Variants in SRRM3 observed in about 807,000 individuals in gnomAD.
The protein encoded by SRRM3 is serine/arginine repetitive matrix 3.
A neutral mutation model predicts 66.2 loss-of-function variants in SRRM3; 27 were observed. That is an observed-to-expected ratio of 0.41 (90% CI 0.30 to 0.56). The LOEUF (loss-of-function observed/expected upper bound fraction) is 0.56. Ranked by LOEUF, SRRM3 falls within the 20% of genes least tolerant of loss-of-function variation. SRRM3 has a pLI of 0.32. For missense variants in SRRM3, 918 were observed against 991.9 expected, an observed-to-expected ratio of 0.93 and a Z score of 1.00; for synonymous variants, 391 against 414.9, an observed-to-expected ratio of 0.94 and a Z score of 0.70.
intron 2 of SRRM3, among the ~76,000 whole-genome samples, chr7:76,238,568 C>T (rs906035469): frequency 5.9e-5 from 9 of 152,178 alleles, no homozygotes; most frequent in Admixed American, 3.3e-4. Context: ...CGGGGCGGGA[C>T]GGAGCCTCCA....
chr7:76,213,723 G>A (rs1800492292), intron 1 of SRRM3, among the ~76,000 whole-genome samples: 1 of 152,022 alleles, frequency 6.6e-6, no homozygotes, highest in Non-Finnish European at 1.5e-5. Flanking sequence ...TGCTTGGTGT[G>A]GATGGGAAGT....
intron 11 of SRRM3, 73 bp from the exon 12 acceptor site, chr7:76,281,368 C>G (rs925190282): frequency 9.1e-7 from 1 of 1,094,160 alleles, no homozygotes; most frequent in Non-Finnish European, 1.1e-6. Flanking sequence ...TGTCTCCTCT[C>G]TTCTCTCTCT....
rs185541827 is a variant in SRRM3, at chr7:76,210,122, G to T, written c.-40+8055G>T. Among the ~76,000 whole-genome samples the T allele has an allele frequency of 5.9e-5, 9 of 152,292 alleles. No homozygotes were observed. The East Asian group carries it at 1.7e-3, about 29-fold the overall frequency. ...ATGGTACCACTGAAAGGGGGTACAG[G>T]ATACCAGAGACATGCCTCTGGGAGC... On this transcript the variant is annotated intron_variant, in intron 1 of 14. Coordinates refer to ENST00000611745, the MANE Select transcript of SRRM3 (RefSeq NM_001110199.3).
intron 11 of SRRM3, among the ~76,000 whole-genome samples, 154 bp from the exon 12 acceptor site, chr7:76,281,287 G>A (rs1454114032): frequency 6.7e-6 from 1 of 148,150 alleles, no homozygotes; most frequent in African/African-American, 2.5e-5. Flanking sequence ...CTCTCTTTCT[G>A]TCTCTGTCTC....
At chr7:76,205,654 C>A (rs782334705) in intron 1 of SRRM3, among the ~76,000 whole-genome samples, 2 of 152,182 alleles carry the variant, frequency 1.3e-5, no homozygotes, top group African/African-American at 4.8e-5. Flanking sequence ...GGTGAACAAC[C>A]CTGAGAGGGT....
chr7:76,254,899 AAAGAG>A (rs1554607456), intron 3 of SRRM3, among the ~76,000 whole-genome samples: 1 of 152,066 alleles, frequency 6.6e-6, no homozygotes, highest in Non-Finnish European at 1.5e-5. Flanking sequence ...ATGGAAAAGA[AAAGAG>A]AAGTTTAAAC....
At chr7:76,266,481 ATTTTATATATTTATATATT>A (rs1802050150) in intron 10 of SRRM3, among the ~76,000 whole-genome samples, 1 of 111,092 alleles carries the variant, frequency 9.0e-6, no homozygotes, top group Non-Finnish European at 1.6e-5. Flanking sequence ...ATATTTATAT[ATTTTATATATTTATATATT>A]TAATATATAA....
intron 3 of SRRM3, among the ~76,000 whole-genome samples, chr7:76,259,455 T>TAAC (rs1267505635): frequency 6.6e-6 from 1 of 151,788 alleles, no homozygotes; most frequent in East Asian, 1.9e-4. Context: ...TCCACGCCTG[T>TAAC]AGTCCCAGCT....
At chr7:76,239,204 T>C (rs1235969432) in intron 2 of SRRM3, among the ~76,000 whole-genome samples, 3 of 151,646 alleles carry the variant, frequency 2.0e-5, no homozygotes, top group Non-Finnish European at 4.4e-5. Flanking sequence ...AGCTAATTCT[T>C]TGTATTTTTA....
intron 3 of SRRM3, among the ~76,000 whole-genome samples, chr7:76,249,737 T>C (rs1801526722): frequency 6.6e-6 from 1 of 152,152 alleles, no homozygotes; most frequent in Admixed American, 6.6e-5. Context: ...CACCAACATC[T>C]GATGCTTCTC....
At position 76,282,728 on chromosome 7, in the gene SRRM3, A is replaced by C; in HGVS notation, c.1451A>C (p.Glu484Ala). The C allele has an allele frequency of 2.1e-6, 3 of 1,451,388 alleles. No homozygotes were observed. The highest frequency in any genetic ancestry group is 1.3e-5 in the South Asian group (1 of 75,342). 89.9% of individuals were successfully genotyped at this position (1,451,388 alleles called of 1,614,324 possible). ...PGAHGRRGGP[E>A]GKSSSRSPGP... The stretch of plus-strand genomic sequence containing the variant: ...GCGCACGGCCGGCGCGGCGGCCCAG[A>C]AGGGAAGAGCTCGTCGCGCAGCCCC... Residue 484 changes from glutamate to alanine, a missense_variant, in exon 13 of 15, where the codon GAA (glutamate) becomes GCA (alanine). Transcript: ENST00000611745.
At chr7:76,278,233 T>C (rs552488356) in intron 11 of SRRM3, among the ~76,000 whole-genome samples, 57 of 152,136 alleles carry the variant, frequency 3.7e-4, no homozygotes, top group Middle Eastern at 3.4e-3. Context: ...ACACCTGTAA[T>C]CCCAGCACTT....
intron 10 of SRRM3, 55 bp from the exon 11 acceptor site, chr7:76,267,203 T>C (rs1385557615): frequency 2.8e-5 from 40 of 1,429,124 alleles, no homozygotes; most frequent in Non-Finnish European, 3.7e-5. Flanking sequence ...CGCAACTGCT[T>C]GCAAAGCGGG....
chr7:76,268,640 A>T (rs918561974), intron 11 of SRRM3: 4 of 152,248 alleles, frequency 2.6e-5, no homozygotes, highest in Non-Finnish European at 5.9e-5. Flanking sequence ...AGGGCAGCTG[A>T]CTGAAGGCTC....
chr7:76,257,666 TG>T (rs1801747936), intron 3 of SRRM3, among the ~76,000 whole-genome samples: 1 of 151,684 alleles, frequency 6.6e-6, no homozygotes, highest in African/African-American at 2.4e-5. Context: ...CCAGCTACTC[TG>T]GAGGCTGGAG....
At chr7:76,243,638 G>C (rs1563622212) in intron 2 of SRRM3, among the ~76,000 whole-genome samples, 1 of 152,142 alleles carries the variant, frequency 6.6e-6, no homozygotes, top group Non-Finnish European at 1.5e-5. Context: ...CAGGAAAGGG[G>C]GCTTGGATCC....
intron 11 of SRRM3, among the ~76,000 whole-genome samples, chr7:76,275,418 A>G (rs1345255098): frequency 6.7e-6 from 1 of 149,544 alleles, no homozygotes; most frequent in Non-Finnish European, 1.5e-5. Flanking sequence ...GAGCCCAGGA[A>G]TTTGAGGCTA....
In SRRM3 at chr7:76,261,587, C is replaced by A; in HGVS notation, c.674+6C>A. On this transcript the variant is annotated splice_donor_region_variant and intron_variant, in intron 8 of 14. Transcript: ENST00000611745. ...CGGAGGAAGAGACGGCACAGGTGAG[C>A]GGCGCTTTGCAGAGGACATGGTCAG... 6.2e-7 allele frequency: 1 copy of A among 1,610,232 alleles called. No homozygotes were observed. The highest frequency in any genetic ancestry group is 8.5e-7 in the Non-Finnish European group (1 of 1,178,464).
intron 1 of SRRM3, among the ~76,000 whole-genome samples, chr7:76,206,923 T>C (rs541847541): frequency 6.6e-6 from 1 of 152,296 alleles, no homozygotes; most frequent in South Asian, 2.1e-4. Context: ...CTCTGAGGGC[T>C]GTGAGGAGGC....
Sources: allele counts gnomAD v4.1 joint callset (sites outside exome capture counted in the v4.1 genomes callset), GRCh38; gene constraint gnomAD v4.1.1; transcripts MANE v1.5; gene names NCBI Gene and HGNC (gene_info 2026-07-23, HGNC 2026-07-21).